CFAP299: variants seen among roughly 807,000 people sequenced by gnomAD.
The protein encoded by CFAP299 is cilia and flagella associated protein 299.
Under a neutral mutation model 27.0 loss-of-function variants are expected in CFAP299, and 21 were observed. That is an observed-to-expected ratio of 0.78 (90% confidence interval 0.55 to 1.12). CFAP299 has a LOEUF of 1.12. Ranked by LOEUF, CFAP299 falls within the 50% of genes most tolerant of loss-of-function variation. The pLI is 0.00. For missense variants in CFAP299, 310 were observed against 276.6 expected (o/e 1.12, Z -0.86); for synonymous variants, 104 against 98.1 (o/e 1.06, Z -0.36).
intron 3 of CFAP299, among the ~76,000 whole-genome samples, chr4:80,792,658 C>T (rs551593591): frequency 1.3e-5 from 2 of 152,128 alleles, no homozygotes; most frequent in Non-Finnish European, 2.9e-5. Context: ...AATTTATTTT[C>T]TTTATATTCT....
intron 2 of CFAP299, among the ~76,000 whole-genome samples, chr4:80,397,648 A>G (rs1725878420): frequency 6.6e-6 from 1 of 152,188 alleles, no homozygotes; most frequent in Admixed American, 6.5e-5. Context: ...GCTTCATGCT[A>G]GAAACTCTCA....
Position 80,640,681 on chromosome 4 carries a change from T to C in CFAP299, c.333+57498T>C, listed in dbSNP as rs540253570. ...TGACACTAGGTATTACCTATCATAT[T>C]CATTGTATTTGCTTACATGTAGTCT... On this transcript the variant is annotated intron_variant, in intron 3 of 5. Coordinates refer to ENST00000358105, the MANE Select transcript of CFAP299 (RefSeq NM_152770.3). Among the ~76,000 whole-genome samples, 12 of 152,336 alleles carry C rather than the reference T, an allele frequency of 7.9e-5. No homozygotes were observed. In the East Asian group the frequency reaches 2.3e-3, roughly 29 times the overall value.
chr4:80,860,048 CA>C (rs1732217610), intron 3 of CFAP299, among the ~76,000 whole-genome samples: 3 of 152,162 alleles, frequency 2.0e-5, no homozygotes, highest in Admixed American at 2.0e-4. Flanking sequence ...TCAGGTACAC[CA>C]ATCAAACGTA....
At chr4:80,658,871 A>G (rs565869358) in intron 3 of CFAP299, among the ~76,000 whole-genome samples, 93 of 152,270 alleles carry the variant, frequency 6.1e-4, no homozygotes, top group Non-Finnish European at 8.7e-4. Flanking sequence ...AAAGATTGCC[A>G]GTTGGTCAGG....
chr4:80,568,324 A>G (rs1735413407), intron 2 of CFAP299, among the ~76,000 whole-genome samples: 1 of 152,046 alleles, frequency 6.6e-6, no homozygotes, highest in African/African-American at 2.4e-5. Context: ...TATTTAGAAA[A>G]TTGCAAAACT....
chr4:80,815,502 T>C (rs1363027069), intron 3 of CFAP299, among the ~76,000 whole-genome samples: 1 of 151,958 alleles, frequency 6.6e-6, no homozygotes, highest in Non-Finnish European at 1.5e-5. Flanking sequence ...CAGTAAACAG[T>C]GTTGAAAGTA....
intron 5 of CFAP299, among the ~76,000 whole-genome samples, chr4:80,962,591 AAAAACAATAAAAAGC>A (rs1275853155): frequency 2.0e-5 from 3 of 151,994 alleles, no homozygotes; most frequent in African/African-American, 7.2e-5. Flanking sequence ...AAAATAACAC[AAAAACAATAAAAAGC>A]AAAACTAACT....
chr4:80,432,320 T>A (rs546695667), intron 2 of CFAP299, among the ~76,000 whole-genome samples: 2 of 151,580 alleles, frequency 1.3e-5, no homozygotes, highest in South Asian at 2.1e-4. Flanking sequence ...GCTGGCTAAT[T>A]TTTGTATTTT....
intron 2 of CFAP299, among the ~76,000 whole-genome samples, chr4:80,511,924 A>T (rs1006565919): frequency 3.9e-5 from 6 of 152,198 alleles, no homozygotes; most frequent in Non-Finnish European, 8.8e-5. Flanking sequence ...CATATGAAAT[A>T]CTGAGAGATT....
intron 2 of CFAP299, chr4:80,386,211 G>A (rs147799420): frequency 1.3e-5 from 12 of 958,252 alleles, no homozygotes; most frequent in Admixed American, 2.3e-5. Context: ...TGAGCACAGC[G>A]AGCATGGCAC....
intron 2 of CFAP299, among the ~76,000 whole-genome samples, chr4:80,462,656 C>G (rs1303239243): frequency 6.6e-6 from 1 of 152,046 alleles, no homozygotes; most frequent in East Asian, 1.9e-4. Context: ...TGATCTCATC[C>G]CACCCTTGCT....
intron 2 of CFAP299, among the ~76,000 whole-genome samples, chr4:80,490,176 A>G (rs925235253): frequency 6.6e-6 from 1 of 152,216 alleles, no homozygotes; most frequent in African/African-American, 2.4e-5. Flanking sequence ...AAACTCTAGT[A>G]AGCAAAACTT....
chr4:80,923,730 G>T (rs1241156943), intron 4 of CFAP299, among the ~76,000 whole-genome samples: 1 of 151,872 alleles, frequency 6.6e-6, no homozygotes, highest in Admixed American at 6.6e-5. Context: ...GTCTTTCCTT[G>T]GTTGAAGTAT....
At chr4:80,366,222 T>C (rs1334448356) in intron 2 of CFAP299, among the ~76,000 whole-genome samples, 3 of 152,210 alleles carry the variant, frequency 2.0e-5, no homozygotes, top group Non-Finnish European at 4.4e-5. Flanking sequence ...TGGAAACACT[T>C]GGTTCCACTA....
At chr4:80,670,058 A>G (rs1741389573) in intron 3 of CFAP299, among the ~76,000 whole-genome samples, 1 of 152,060 alleles carries the variant, frequency 6.6e-6, no homozygotes, top group African/African-American at 2.4e-5. Context: ...TTACATAGGT[A>G]TACATGTGCC....
intron 2 of CFAP299, among the ~76,000 whole-genome samples, chr4:80,495,897 C>G (rs1285133212): frequency 1.3e-5 from 2 of 152,192 alleles, no homozygotes; most frequent in Admixed American, 1.3e-4. Context: ...TGAGCCAGGG[C>G]TGGTGCTGGA....
At chr4:80,713,288 T>C (rs1560712961) in intron 3 of CFAP299, among the ~76,000 whole-genome samples, 1 of 152,162 alleles carries the variant, frequency 6.6e-6, no homozygotes, top group Non-Finnish European at 1.5e-5. Context: ...TGAACCCATG[T>C]AGGAGGCCAC....
chr4:80,832,624 G>T (rs754854356), intron 3 of CFAP299, among the ~76,000 whole-genome samples: 3 of 152,006 alleles, frequency 2.0e-5, no homozygotes, highest in Non-Finnish European at 4.4e-5. Flanking sequence ...TTTAAGGTTG[G>T]TTATTTTAGT....
intron 2 of CFAP299, among the ~76,000 whole-genome samples, chr4:80,450,078 T>G (rs1560572968): frequency 6.6e-6 from 1 of 152,178 alleles, no homozygotes; most frequent in Non-Finnish European, 1.5e-5. Flanking sequence ...CACAATGTTT[T>G]TCCAAGCATT....
Sources: allele counts gnomAD v4.1 joint callset (sites outside exome capture counted in the v4.1 genomes callset), GRCh38; gene constraint gnomAD v4.1.1; transcripts MANE v1.5; gene names NCBI Gene and HGNC (gene_info 2026-07-23, HGNC 2026-07-21).